Variants in MRPS11 observed in about 807,000 individuals in gnomAD.
MRPS11 encodes small ribosomal subunit protein uS11m.
Under a neutral mutation model 24.3 loss-of-function variants are expected in MRPS11, and 27 were observed. The observed-to-expected ratio is 1.11, with a 90% CI of 0.82 to 1.53. The LOEUF (loss-of-function observed/expected upper bound fraction) is 1.53. Among genes scored for constraint, MRPS11 ranks in the 40% most tolerant of loss-of-function variants. The probability of loss-of-function intolerance (pLI) is 0.00; values close to 1 mark genes in which losing one functional copy is unlikely to be tolerated. For synonymous variants in MRPS11, 104 were observed against 98.7 expected (o/e 1.05, Z -0.32); for missense variants, 277 against 256.5 (o/e 1.08, Z -0.55).
At chr15:88,472,565 G>A (rs1439539892) in intron 2 of MRPS11, 62 bp from the exon 3 acceptor site, 10 of 1,380,172 alleles carry the variant, frequency 7.2e-6, no homozygotes, top group Non-Finnish European at 1.0e-5. Context: ...ACCATGTGTT[G>A]TATTTCTTTG....
chr15:88,467,715 G>C lies in MRPS11; in HGVS notation c.-3G>C. 1 of 1,614,126 alleles carries C rather than the reference G, an allele frequency of 6.2e-7. No homozygotes were observed. The highest frequency in any genetic ancestry group is 1.3e-5 in the African/African-American group (1 of 75,060). ...CGGAAACTGACTGGGGTCAATTCAA[G>C]TCATGCAGGCTGTGAGAAACGCGGG... On this transcript the variant is annotated 5_prime_UTR_variant, in exon 1 of 6. Coordinates refer to ENST00000325844, the MANE Select transcript of MRPS11 (RefSeq NM_022839.5).
rs1481569456 is a variant in MRPS11 at position 88,477,577 on chromosome 15, C to G, written c.478-295C>G. ...CTGAGTAAGCTACAGAAGTATGATA[C>G]CCAAGGTGTGCCAAGGTCTACAAGA... On this transcript the variant is annotated intron_variant, in intron 5 of 5. Transcript: ENST00000325844. This position sits in a 1 kb window ranked among gnomAD's most constrained non-coding sequence, Gnocchi z 5.7. 6.6e-6 allele frequency among the ~76,000 whole-genome samples: 1 copy of G among 152,098 alleles called. No individual in the cohort carries two copies.
intron 2 of MRPS11, 105 bp from the exon 3 acceptor site, chr15:88,472,522 A>C: frequency 1.1e-6 from 1 of 891,704 alleles, no homozygotes; most frequent in South Asian, 1.6e-5. Context: ...GCCACTTAAG[A>C]AGCAGCAGGG....
In MRPS11 at chr15:88,467,969, G is replaced by C; in HGVS notation, c.127G>C (p.Ala43Pro). 7 of 1,612,382 alleles carry C rather than the reference G, an allele frequency of 4.3e-6. No homozygotes were observed. Among genetic ancestry groups the C allele is most frequent in the Non-Finnish European group, 5.9e-6 (7 of 1,179,566 alleles). Residue 43 changes from alanine (A) to proline (P), a missense_variant, in exon 2 of 6, where the codon GCT becomes CCT. Transcript: ENST00000325844. Reference protein sequence around the residue: ...ICTGARQLQDAAAKQKVEQNA... With the variant: ...ICTGARQLQDPAAKQKVEQNA... ...CACAGGCGCTCGACAGCTCCAAGAC[G>C]CTGCGGCCAAGCAGAAAGTTGAACA...
At chr15:88,472,420 T>C in intron 2 of MRPS11, 1 of 516,114 alleles carries the variant, frequency 1.9e-6, no homozygotes, top group Non-Finnish European at 3.5e-6. Context: ...CAGATGTGTC[T>C]GAAGTCAGCA....
At position 88,475,706 on chromosome 15, in the gene MRPS11, A is replaced by C. The variant is rs1169824734; in HGVS notation, c.411+467A>C. Among the ~76,000 whole-genome samples the C allele has an allele frequency of 6.6e-6, 1 of 152,194 alleles. No homozygotes were observed. Among genetic ancestry groups the C allele is most frequent in the Admixed American group, 6.5e-5 (1 of 15,276 alleles). On this transcript the variant is annotated intron_variant, in intron 4 of 5. Transcript: ENST00000325844. This position sits in a 1 kb window ranked among gnomAD's most constrained non-coding sequence, Gnocchi z 4.1. ...AAAAATAGGCCAGGCGCGATGGCTC[A>C]CAGTTGTAATCCCAGCACTTTGGGA...
intron 3 of MRPS11, 171 bp from the exon 4 acceptor site, chr15:88,474,939 C>T: frequency 1.4e-6 from 1 of 721,202 alleles, no homozygotes; most frequent in Non-Finnish European, 2.2e-6. Context: ...GAATTCTGAC[C>T]TTTCCTGATA....
intron 4 of MRPS11, among the ~76,000 whole-genome samples, chr15:88,476,062 G>A (rs2055816908): frequency 6.6e-6 from 1 of 152,222 alleles, no homozygotes; most frequent in Non-Finnish European, 1.5e-5. Flanking sequence ...AGCAATACCA[G>A]TTCCAGTGTG....
intron 2 of MRPS11, chr15:88,472,313 C>A: frequency 4.3e-6 from 1 of 230,796 alleles, no homozygotes; most frequent in Non-Finnish European, 8.6e-6. Flanking sequence ...GAAGAGGAAC[C>A]TACAAAGGAT....
At chr15:88,474,438 A>C (rs183063976) in intron 3 of MRPS11, among the ~76,000 whole-genome samples, 1 of 152,262 alleles carries the variant, frequency 6.6e-6, no homozygotes, top group African/African-American at 2.4e-5. Flanking sequence ...GCACGCCTGT[A>C]ATCCCAGCTA....
rs771295188 is a variant in MRPS11 at position 88,475,269 on chromosome 15, A to T, written c.411+30A>T. The T allele has an allele frequency of 1.1e-5, 17 of 1,613,362 alleles. No homozygotes were observed. The highest frequency in any genetic ancestry group is 1.4e-5 in the Non-Finnish European group (17 of 1,179,876). ...GTGTGTGTTCCTTCTGCTTCCTTCT[A>T]GTGTGTGTTTGCTTTCTGCATGGCT... is the stretch of plus-strand genomic sequence containing the variant. On this transcript the variant is annotated intron_variant, in intron 4 of 5. Transcript: ENST00000325844. The surrounding 1 kb of genome is among the most constrained non-coding windows in gnomAD (Gnocchi z 4.1).
intron 3 of MRPS11, among the ~76,000 whole-genome samples, chr15:88,473,311 G>A (rs537139217): frequency 6.6e-6 from 1 of 152,294 alleles, no homozygotes; most frequent in African/African-American, 2.4e-5. Flanking sequence ...AACATATGCT[G>A]CCAACAGAAG....
intron 3 of MRPS11, 150 bp from the exon 4 acceptor site, chr15:88,474,960 G>C (rs2055789897): frequency 2.4e-6 from 2 of 842,550 alleles, no homozygotes; most frequent in Non-Finnish European, 3.6e-6. Context: ...CTTCCTGTAG[G>C]AGTTCAAAAC....
chr15:88,470,241 G>T (rs1020455229), intron 2 of MRPS11, among the ~76,000 whole-genome samples: 1 of 152,156 alleles, frequency 6.6e-6, no homozygotes, highest in African/African-American at 2.4e-5. Flanking sequence ...CTTGAACCCC[G>T]GAGACGGAGG....
rs1286171969 is a variant in MRPS11 at position 88,474,753 on chromosome 15, G to A, written c.282-357G>A. 2.4e-4 allele frequency among the ~76,000 whole-genome samples: 36 copies of A among 152,156 alleles called. 1 individual carries two copies. Among genetic ancestry groups the A allele is most frequent in the Admixed American group, 2.4e-3 (36 of 15,284 alleles). On this transcript the variant is annotated intron_variant, in intron 3 of 5. Coordinates refer to ENST00000325844, the MANE Select transcript of MRPS11 (RefSeq NM_022839.5). ...CTGAATTGGATATGAGTTGATAATT[G>A]TTGAAGCTGGTTGATGAGTCCATCA...
chr15:88,477,806 G>T lies in MRPS11; in HGVS notation c.478-66G>T, dbSNP rs1281880073. 9 of 1,455,568 alleles carry T rather than the reference G, an allele frequency of 6.2e-6. No homozygotes were observed. The highest frequency in any genetic ancestry group is 6.7e-6 in the Non-Finnish European group (7 of 1,043,354). 90.2% of individuals were successfully genotyped at this position (1,455,568 alleles called of 1,614,324 possible). On this transcript the variant is annotated intron_variant, in intron 5 of 5. Transcript: ENST00000325844. This position sits in a 1 kb window ranked among gnomAD's most constrained non-coding sequence, Gnocchi z 5.7. ...GCCACCCTGTCCCTCTCCGAACCCT[G>T]CCTGGAGACACTGGATCATCATTTC...
chr15:88,474,543 G>A (rs1247674764), intron 3 of MRPS11, among the ~76,000 whole-genome samples: 2 of 140,628 alleles, frequency 1.4e-5, no homozygotes, highest in African/African-American at 3.2e-5. Context: ...TGGGCAACAA[G>A]AGCAAAACTC....
At position 88,469,542 on chromosome 15, in the gene MRPS11, G is replaced by C. The variant is rs1167342181; in HGVS notation, c.182+1518G>C. Among the ~76,000 whole-genome samples the C allele has an allele frequency of 6.6e-6, 1 of 152,220 alleles. No individual in the cohort carries two copies. Among genetic ancestry groups the C allele is most frequent in the Non-Finnish European group, 1.5e-5 (1 of 68,040 alleles). On this transcript the variant is annotated intron_variant, in intron 2 of 5. Coordinates refer to ENST00000325844, the MANE Select transcript of MRPS11 (RefSeq NM_022839.5). The surrounding 1 kb of genome is among the most constrained non-coding windows in gnomAD (Gnocchi z 4.4). Reference sequence around the variant, plus strand: ...AGGCCTGCATAGCCACATTCTGTAGGACTTTGTAGGCCGTTGTGAGGACTT... The same window carrying C: ...AGGCCTGCATAGCCACATTCTGTAGCACTTTGTAGGCCGTTGTGAGGACTT...
chr15:88,467,833 C>T (rs763822635), intron 1 of MRPS11, 51 bp downstream of exon 1: 7 of 1,613,178 alleles, frequency 4.3e-6, no homozygotes, highest in Non-Finnish European at 5.9e-6. Context: ...GGACTATGCT[C>T]CTACTCGTGT....
Sources: allele counts gnomAD v4.1 joint callset (sites outside exome capture counted in the v4.1 genomes callset), GRCh38; gene constraint gnomAD v4.1.1; non-coding constraint Gnocchi (gnomAD v3.1); transcripts MANE v1.5; gene names NCBI Gene and HGNC (gene_info 2026-07-23, HGNC 2026-07-21).